Variants in DOP1B observed in about 807,000 individuals in gnomAD.
DOP1B encodes DOP1 leucine zipper like protein B.
A neutral mutation model predicts 233.5 loss-of-function variants in DOP1B; 174 were observed. That is an observed-to-expected ratio of 0.75 (90% CI 0.66 to 0.85). The LOEUF is 0.85. Ranked by LOEUF, DOP1B falls within the 40% of genes least tolerant of loss-of-function variation. The probability of loss-of-function intolerance (pLI) is 0.00; values close to 1 mark genes in which losing one functional copy is unlikely to be tolerated. For missense variants in DOP1B, 2,652 were observed against 2,846.6 expected, an observed-to-expected ratio of 0.93 and a Z score of 1.56; for synonymous variants, 1,190 against 1,185.6, an observed-to-expected ratio of 1.00 and a Z score of -0.08.
intron 35 of DOP1B, among the ~76,000 whole-genome samples, chr21:36,291,819 G>T (rs73902199): frequency 0.13 from 19,528 of 152,134 alleles, 1,359 homozygotes; most frequent in South Asian, 0.25. Context: ...TGCTTATATG[G>T]AATGTCCACG....
At chr21:36,203,301 A>G (rs2066390865) in intron 4 of DOP1B, among the ~76,000 whole-genome samples, 1 of 152,228 alleles carries the variant, frequency 6.6e-6, no homozygotes, top group Non-Finnish European at 1.5e-5. Flanking sequence ...AGGTTATACA[A>G]TAATCTCTGA....
At chr21:36,160,110 C>G (rs574597241) in intron 1 of DOP1B, among the ~76,000 whole-genome samples, 34 of 150,876 alleles carry the variant, frequency 2.3e-4, no homozygotes, top group African/African-American at 7.5e-4. Flanking sequence ...TGCTGGGTTT[C>G]AGAACTGAAT....
intron 2 of DOP1B, among the ~76,000 whole-genome samples, chr21:36,185,267 C>A (rs2066151010): frequency 6.6e-6 from 1 of 152,150 alleles, no homozygotes; most frequent in Admixed American, 6.6e-5. Flanking sequence ...TTCTCTGCAT[C>A]ATGTACATTT....
chr21:36,227,580 G>T, intron 12 of DOP1B, 106 bp from the exon 13 acceptor site: 1 of 974,532 alleles, frequency 1.0e-6, no homozygotes, highest in Non-Finnish European at 1.5e-6. Flanking sequence ...GAAAATTAGT[G>T]TGAAATTTAT....
intron 12 of DOP1B, among the ~76,000 whole-genome samples, chr21:36,227,080 C>A (rs372285523): frequency 1.3e-5 from 2 of 151,080 alleles, no homozygotes; most frequent in Non-Finnish European, 2.9e-5. Flanking sequence ...TGGTGGCGGG[C>A]GCCTGTAGTC....
chr21:36,181,800 G>C lies in DOP1B; in HGVS notation c.138+16929G>C, dbSNP rs182248071. Among the ~76,000 whole-genome samples, 528 of 150,412 alleles carry C rather than the reference G, an allele frequency of 3.5e-3. 2 individuals carry two copies. The highest frequency in any genetic ancestry group is 0.012 in the African/African-American group (487 of 40,336). ...GAAGAAGAAGGGAGCCGTGATTTGG[G>C]TGGGCTGGGCCCAGTGCCTGCACTC... On this transcript the variant is annotated intron_variant, in intron 2 of 36. Transcript: ENST00000691173.
intron 2 of DOP1B, among the ~76,000 whole-genome samples, chr21:36,183,291 C>A (rs1569005268): frequency 6.6e-6 from 1 of 152,162 alleles, no homozygotes; most frequent in Non-Finnish European, 1.5e-5. Flanking sequence ...TGTTTCCACA[C>A]ATTGCCAAAT....
chr21:36,182,042 T>C (rs1315918539), intron 2 of DOP1B, among the ~76,000 whole-genome samples: 2 of 152,250 alleles, frequency 1.3e-5, no homozygotes, highest in Non-Finnish European at 2.9e-5. Flanking sequence ...TTCTGCCTTA[T>C]ATATTACTCT....
chr21:36,245,435 G>T lies in DOP1B; in HGVS notation c.3455G>T (p.Gly1152Val). 6.2e-7 allele frequency: 1 copy of T among 1,614,008 alleles called. No homozygotes were observed. Among genetic ancestry groups the T allele is most frequent in the Non-Finnish European group, 8.5e-7 (1 of 1,180,014 alleles). ...TGCTGTGCACCCATCCCCATGGGGGGCAGGGCGTACCCCAAGCGCTCGGCC... is the reference window on the plus strand; with the variant it reads ...TGCTGTGCACCCATCCCCATGGGGGTCAGGGCGTACCCCAAGCGCTCGGCC... ...ENCCAPIPMG[G>V]RAYPKRSALL... Residue 1152 changes from glycine to valine, a missense_variant, in exon 19 of 37, where the codon GGC becomes GTC. Physicochemically the swap from Gly to Val is moderately radical, Grantham distance 109 (BLOSUM62 -3). This residue lies in a region of DOP1B where 2,617 missense variants were observed against 2,794.3 expected (regional missense o/e 0.94). Coordinates refer to ENST00000691173, the MANE Select transcript of DOP1B (RefSeq NM_001320714.2). This position sits in a 1 kb window ranked among gnomAD's most constrained non-coding sequence, Gnocchi z 5.5.
chr21:36,262,421 A>G (rs912513757), intron 24 of DOP1B, among the ~76,000 whole-genome samples: 4 of 152,156 alleles, frequency 2.6e-5, no homozygotes, highest in African/African-American at 9.7e-5. Flanking sequence ...CACTGCCTGG[A>G]CTGTGCTTCC....
chr21:36,288,496 T>C (rs1353691267), intron 33 of DOP1B, among the ~76,000 whole-genome samples: 1 of 152,074 alleles, frequency 6.6e-6, no homozygotes, highest in East Asian at 1.9e-4. Flanking sequence ...AGTTCGAGAC[T>C]AGCCTGGGCA....
At chr21:36,176,964 A>G (rs541489747) in intron 2 of DOP1B, among the ~76,000 whole-genome samples, 3 of 152,206 alleles carry the variant, frequency 2.0e-5, no homozygotes, top group Admixed American at 6.5e-5. Context: ...GATCACAGGC[A>G]TGCGCCACCA....
chr21:36,198,891 C>T (rs145851584), intron 2 of DOP1B, among the ~76,000 whole-genome samples, 179 bp from the exon 3 acceptor site: 109 of 152,314 alleles, frequency 7.2e-4, no homozygotes, highest in Non-Finnish European at 1.1e-3. Flanking sequence ...TCATCTCCAG[C>T]GCTGCCAGAG....
intron 10 of DOP1B, 119 bp downstream of exon 10, chr21:36,219,611 T>TG (rs1488378983): frequency 1.4e-6 from 2 of 1,385,688 alleles, no homozygotes; most frequent in African/African-American, 2.9e-5. Flanking sequence ...ATGCAGCAGG[T>TG]GAGACCATTG....
intron 32 of DOP1B, among the ~76,000 whole-genome samples, chr21:36,287,424 T>C (rs2067497581): frequency 6.6e-6 from 1 of 152,060 alleles, no homozygotes; most frequent in Admixed American, 6.6e-5. Context: ...CCAGTGGATT[T>C]CTGGTGACAG....
At chr21:36,225,939 G>A (rs564468571) in intron 12 of DOP1B, among the ~76,000 whole-genome samples, 10 of 152,308 alleles carry the variant, frequency 6.6e-5, no homozygotes, top group South Asian at 6.2e-4. Flanking sequence ...TATCATTCCC[G>A]TACTACAGTT....
At chr21:36,204,945 G>T (rs923278279) in intron 4 of DOP1B, among the ~76,000 whole-genome samples, 1 of 152,146 alleles carries the variant, frequency 6.6e-6, no homozygotes, top group African/African-American at 2.4e-5. Flanking sequence ...GTGAGCCACT[G>T]CACCCAGCAC....
At chr21:36,261,925 A>G (rs2123639241) in intron 24 of DOP1B, 2 of 980,792 alleles carry the variant, frequency 2.0e-6, no homozygotes, top group African/African-American at 1.7e-5. Flanking sequence ...AGGAAAAAAA[A>G]TGGGGGTGGG....
intron 35 of DOP1B, among the ~76,000 whole-genome samples, chr21:36,289,983 G>T (rs1384952330): frequency 6.6e-6 from 1 of 152,158 alleles, no homozygotes; most frequent in African/African-American, 2.4e-5. Context: ...CCATGTCATT[G>T]TCCATTTCTC....
Sources: gnomAD v4.1 joint callset for allele counts (sites outside exome capture counted in the v4.1 genomes callset) on GRCh38, gnomAD v4.1.1 for gene constraint, gnomAD v4.1.1 regional missense constraint, Gnocchi (gnomAD v3.1) non-coding constraint, MANE v1.5 for transcripts, NCBI Gene and HGNC (gene_info 2026-07-23, HGNC 2026-07-21) for gene names.